The following USF3 variants were observed in gnomAD, a reference collection of about 807,000 sequenced individuals.
The protein encoded by USF3 is basic helix-loop-helix domain-containing protein USF3.
In USF3, 29 loss-of-function variants were observed where a neutral mutation model predicts 157.5. That is an observed-to-expected ratio of 0.18 (90% CI 0.14 to 0.25). The LOEUF is 0.25. Among genes scored for constraint, USF3 ranks in the 10% least tolerant of loss-of-function variants. USF3 has a pLI of 1.00. For synonymous variants in USF3, 893 were observed against 941.4 expected (o/e 0.95, Z 0.94); for missense variants, 2,381 against 2,667.6 (o/e 0.89, Z 2.37).
At position 113,658,213 on chromosome 3, in the gene USF3, T is replaced by C. The variant is rs1433210938; in HGVS notation, c.3469A>G (p.Ile1157Val). 5.6e-6 allele frequency: 9 copies of C among 1,614,044 alleles called. No individual in the cohort carries two copies. The highest frequency in any genetic ancestry group is 5.9e-6 in the Non-Finnish European group (7 of 1,180,024). ...GAAGGCTTTGAAGCAACTTCCCTTA[T>C]ATCAGCCTGGAGGCCAACTCTCCCC... ...EKGRVGLQAD[I>V]REVASKPSEA... The change falls in exon 7 of 7, where the codon ATA (isoleucine) becomes GTA (valine). Residue 1157 changes from isoleucine to valine, a missense_variant. Ile to Val is a conservative substitution (Grantham distance 29). Transcript: ENST00000316407.
In USF3 at chr3:113,656,929, T is replaced by C. The variant is rs1021110546; in HGVS notation, c.4753A>G (p.Ser1585Gly). 6.2e-7 allele frequency: 1 copy of C among 1,614,180 alleles called. No individual in the cohort carries two copies. Among genetic ancestry groups the C allele is most frequent in the Non-Finnish European group, 8.5e-7 (1 of 1,180,014 alleles). ...TGGGGATGGTTATGATGGTTCCGAC[T>C]AGTTGAAGGGTTTTCACAGCTCTTC... ...TEKSCENPST[S>G]RNHHNHPQNH... Residue 1585 changes from serine to glycine, a missense_variant, in exon 7 of 7, where the codon AGT (serine) becomes GGT (glycine). Transcript: ENST00000316407.
At chr3:113,690,596 G>A (rs1279167548) in intron 1 of USF3, among the ~76,000 whole-genome samples, 1 of 152,066 alleles carries the variant, frequency 6.6e-6, no homozygotes, top group African/African-American at 2.4e-5. Flanking sequence ...AATTCAGACA[G>A]GTTTATCCCT....
chr3:113,652,108 A>AGAGAGAGAGTGTGTGTGT lies in USF3; in HGVS notation c.*2835_*2836insACACACACACTCTCTCTC, dbSNP rs1266464109. 7.0e-6 allele frequency: 1 copy of AGAGAGAGAGTGTGTGTGT among 142,084 alleles called. No homozygotes were observed. Among genetic ancestry groups the AGAGAGAGAGTGTGTGTGT allele is most frequent in the African/African-American group, 2.6e-5 (1 of 38,386 alleles). 8.8% of individuals were successfully genotyped at this position (142,084 alleles called of 1,614,324 possible). A position where few individuals can be genotyped will look rare whatever the true frequency, so the allele number is the denominator to read the frequency against. On this transcript the variant is annotated 3_prime_UTR_variant, in exon 7 of 7. Transcript: ENST00000316407. ...TGGAGAGAGAGAGAGAGAGAGAGAG[A>AGAGAGAGAGTGTGTGTGT]GTGTGTGTGTGTGTGTGTGTGTGTG...
chr3:113,695,573 T>C (rs999512514), intron 1 of USF3, among the ~76,000 whole-genome samples: 2 of 152,232 alleles, frequency 1.3e-5, no homozygotes, highest in South Asian at 2.1e-4. Flanking sequence ...CTGTATCTAC[T>C]TGATGGTAAA....
rs377667804 is a variant in USF3, at chr3:113,671,282, C to CT, written c.77-1080dup. On this transcript the variant is annotated intron_variant, in intron 4 of 6. Transcript: ENST00000316407. The stretch of plus-strand genomic sequence containing the variant: ...GGCAGATTAAAGAACCTTAAAACAC[C>CT]TTTTTGGATGACTACTGGGCCTTTT... Among the ~76,000 whole-genome samples, 1,254 of 152,194 alleles carry CT rather than the reference C, an allele frequency of 8.2e-3. 10 individuals are homozygous for CT. The highest frequency in any genetic ancestry group is 0.015 in the South Asian group (74 of 4,826).
intron 1 of USF3, among the ~76,000 whole-genome samples, chr3:113,684,631 G>C (rs965145586): frequency 6.6e-6 from 1 of 152,010 alleles, no homozygotes; most frequent in Non-Finnish European, 1.5e-5. Flanking sequence ...CTACTGTTGA[G>C]AGACTGATGC....
intron 3 of USF3, 68 bp downstream of exon 3, chr3:113,674,764 G>T: frequency 7.7e-7 from 1 of 1,296,664 alleles, no homozygotes; most frequent in African/African-American, 1.5e-5. Flanking sequence ...TACCTATGTA[G>T]CAAAATAGGA....
At chr3:113,687,156 G>A (rs2124105) in intron 1 of USF3, among the ~76,000 whole-genome samples, 45,381 of 151,402 alleles carry the variant, frequency 0.3, 7,026 homozygotes, top group Non-Finnish European at 0.35. Flanking sequence ...GAGTTAATAT[G>A]TTGTTCAAAT....
chr3:113,655,886 C>T lies in USF3; in HGVS notation c.5796G>A (p.Lys1932=), dbSNP rs567385528. 1 of 1,614,118 alleles carries T rather than the reference C, an allele frequency of 6.2e-7. No homozygotes were observed. Among genetic ancestry groups the T allele is most frequent in the East Asian group, 2.2e-5 (1 of 44,884 alleles). ...TTGTGACTGGAGGGTTCATGTGGCC[C>T]TTGGTGGCATGACTCTCAGTAATCC... ...PMRITESHAT[K]GHMNPPVTTN... is the part of the protein sequence containing the mutation. Residue 1932 remains lysine (K), a synonymous_variant, in exon 7 of 7, where the codon AAG becomes AAA. Transcript: ENST00000316407.
chr3:113,682,362 A>C lies in USF3; in HGVS notation c.-134-4965T>G, dbSNP rs564930786. On this transcript the variant is annotated intron_variant, in intron 1 of 6. Coordinates refer to ENST00000316407, the MANE Select transcript of USF3 (RefSeq NM_001009899.4). ...AAAAACAAACAAACAAAAAAAAAAA[A>C]CACCACTTGCTTTGTGGCCTAACAT... Among the ~76,000 whole-genome samples the C allele has an allele frequency of 3.9e-3, 590 of 151,794 alleles. 4 individuals are homozygous for C. The highest frequency in any genetic ancestry group is 0.014 in the African/African-American group (561 of 41,442).
In USF3 at chr3:113,696,575, A is replaced by C. The variant is rs1418510100; in HGVS notation, c.-340T>G. The C allele has an allele frequency of 8.7e-6, 1 of 115,524 alleles. No individual in the cohort carries two copies. The highest frequency in any genetic ancestry group is 1.7e-5 in the Non-Finnish European group (1 of 57,800). 7.2% of individuals were successfully genotyped at this position (115,524 alleles called of 1,614,324 possible). On this transcript the variant is annotated 5_prime_UTR_variant, in exon 1 of 7. Transcript: ENST00000316407. ...GCCCCCGCCGCCTCTTTTTGCGGCC[A>C]CCGCAGCCGCTGCGAGCCCGAGCCC... is the stretch of plus-strand genomic sequence containing the variant.
At chr3:113,673,708 C>T (rs759121201) in intron 3 of USF3, among the ~76,000 whole-genome samples, 4 of 152,150 alleles carry the variant, frequency 2.6e-5, no homozygotes, top group Admixed American at 6.5e-5. Flanking sequence ...GGTAAATTCA[C>T]GAAGTGATGT....
Position 113,657,232 on chromosome 3 carries a change from CTCT to C in USF3, c.4447_4449del (p.Arg1483del). 1.2e-6 allele frequency: 2 copies of C among 1,612,494 alleles called. No homozygotes were observed. Among genetic ancestry groups the C allele is most frequent in the Non-Finnish European group, 1.7e-6 (2 of 1,179,768 alleles). On this transcript the variant is annotated inframe_deletion, in exon 7 of 7. Coordinates refer to ENST00000316407, the MANE Select transcript of USF3 (RefSeq NM_001009899.4). ...TGCATTTGATATAAGTGATGCCTCTCTCTTAACTGCCCTGCTTGTTGTTGTTGC... is the reference window on the plus strand; with the variant it reads ...TGCATTTGATATAAGTGATGCCTCTCTAACTGCCCTGCTTGTTGTTGTTGC...
chr3:113,693,378 G>A (rs1233878129), intron 1 of USF3, among the ~76,000 whole-genome samples: 1 of 152,202 alleles, frequency 6.6e-6, no homozygotes, highest in Non-Finnish European at 1.5e-5. Flanking sequence ...ACTTATGGCA[G>A]TGTGCTAAGT....
At position 113,658,546 on chromosome 3, in the gene USF3, G is replaced by A. The variant is rs1947412834; in HGVS notation, c.3136C>T (p.His1046Tyr). 1.2e-6 allele frequency: 2 copies of A among 1,614,012 alleles called. No individual in the cohort carries two copies. ...PKIVDSSVNL[H>Y]PKQELLLMNN... ...ATCAGTAATAGTTCCTGTTTGGGAT[G>A]TAAATTCACACTTGAATCAACTATT... The change falls in exon 7 of 7, where the codon CAT becomes TAT. Residue 1046 changes from histidine to tyrosine, a missense_variant. By Grantham distance (83) the His-to-Tyr change is moderately conservative. Transcript: ENST00000316407.
At chr3:113,678,889 G>C (rs1406587129) in intron 1 of USF3, among the ~76,000 whole-genome samples, 2 of 152,092 alleles carry the variant, frequency 1.3e-5, no homozygotes, top group South Asian at 2.1e-4. Context: ...TAAGCAGCTA[G>C]GAATACAGGC....
In USF3 at chr3:113,658,875, T is replaced by G; in HGVS notation, c.2807A>C (p.Lys936Thr). Residue 936 changes from lysine to threonine, a missense_variant, in exon 7 of 7, where the codon AAA (lysine) becomes ACA (threonine). Physicochemically the swap from Lys to Thr is moderately conservative, Grantham distance 78. This residue lies in a region of USF3 where 1,435 missense variants were observed against 1,550.9 expected (regional missense o/e 0.93). Transcript: ENST00000316407. ...PSSLALSDAA[K>T]PCASANVLIP... ...CAATACATTGGCTGAAGCGCAGGGTTTGGCAGCATCTGATAATGCTAAACT... is the reference window on the plus strand; with the variant it reads ...CAATACATTGGCTGAAGCGCAGGGTGTGGCAGCATCTGATAATGCTAAACT... 2 of 1,614,208 alleles carry G rather than the reference T, an allele frequency of 1.2e-6. No individual in the cohort carries two copies. The highest frequency in any genetic ancestry group is 1.7e-6 in the Non-Finnish European group (2 of 1,180,020).
In USF3 at chr3:113,660,549, C is replaced by A. The variant is rs1947464657; in HGVS notation, c.1133G>T (p.Gly378Val). ...TATVVASSAP[G>V]VGKATIPIST... ...TATAGGAATGGTGGCCTTCCCTACTCCAGGGGCAGATGATGCCACCACTGT... is the reference window on the plus strand; with the variant it reads ...TATAGGAATGGTGGCCTTCCCTACTACAGGGGCAGATGATGCCACCACTGT... Residue 378 changes from glycine to valine, a missense_variant, in exon 7 of 7, where the codon GGA becomes GTA. By Grantham distance (109) the Gly-to-Val change is moderately radical. This residue lies in a region of USF3 where 1,435 missense variants were observed against 1,550.9 expected (regional missense o/e 0.93). Coordinates refer to ENST00000316407, the MANE Select transcript of USF3 (RefSeq NM_001009899.4). The A allele has an allele frequency of 1.2e-6, 2 of 1,614,148 alleles. No homozygotes were observed. Among genetic ancestry groups the A allele is most frequent in the South Asian group, 2.2e-5 (2 of 91,086 alleles).
intron 1 of USF3, 116 bp downstream of exon 1, chr3:113,696,254 G>C (rs745678231): frequency 5.2e-5 from 8 of 152,662 alleles, no homozygotes; most frequent in Non-Finnish European, 1.0e-4. Flanking sequence ...TGGCCTCCCG[G>C]AGCAGGAAGG....
Sources: gnomAD v4.1 joint callset for allele counts (sites outside exome capture counted in the v4.1 genomes callset) on GRCh38, gnomAD v4.1.1 for gene constraint, gnomAD v4.1.1 regional missense constraint, MANE v1.5 for transcripts, NCBI Gene and HGNC (gene_info 2026-07-23, HGNC 2026-07-21) for gene names.